The following PVT1 variants were observed in gnomAD, a reference collection of about 807,000 sequenced individuals.
PVT1 encodes CXCR4/PVT1 fusion.
At chr8:127,845,948 C>T (rs72718572) in intron 2 of PVT1, among the ~76,000 whole-genome samples, 7 of 152,334 alleles carry the variant, frequency 4.6e-5, no homozygotes, top group South Asian at 2.1e-4. Flanking sequence ...CACATCCCAC[C>T]CACACTTTGA....
At chr8:127,929,978 T>C (rs920038866) in intron 3 of PVT1, among the ~76,000 whole-genome samples, 6 of 152,220 alleles carry the variant, frequency 3.9e-5, no homozygotes, top group African/African-American at 1.4e-4. Flanking sequence ...TAAGGGAGAA[T>C]GTCTTTGCTT....
intron 2 of PVT1, among the ~76,000 whole-genome samples, chr8:127,811,801 T>A (rs1814598255): frequency 6.6e-6 from 1 of 152,160 alleles, no homozygotes; most frequent in Non-Finnish European, 1.5e-5. Flanking sequence ...TAACATGGGG[T>A]CGGCTGTTAT....
At chr8:127,937,888 A>G (rs6992539) in intron 3 of PVT1, among the ~76,000 whole-genome samples, 55,054 of 151,994 alleles carry the variant, frequency 0.36, 10,171 homozygotes, top group East Asian at 0.54. Context: ...CTGCGAAAGT[A>G]ACAGAGCTAG....
At chr8:127,817,732 A>T (rs1397729631) in intron 2 of PVT1, among the ~76,000 whole-genome samples, 3 of 142,676 alleles carry the variant, frequency 2.1e-5, no homozygotes, top group Non-Finnish European at 3.1e-5. Context: ...AATGAAAAAT[A>T]AAAAAAAAAA....
chr8:128,041,897 C>T (rs1293510995), intron 4 of PVT1, among the ~76,000 whole-genome samples: 1 of 152,186 alleles, frequency 6.6e-6, no homozygotes, highest in Non-Finnish European at 1.5e-5. Flanking sequence ...TTGACTGATG[C>T]TTTGCAGTTC....
At chr8:128,071,483 ACCACCCTAGGCAACTAAGGAGAC>A (rs1276076659) in intron 5 of PVT1, among the ~76,000 whole-genome samples, 3 of 151,610 alleles carry the variant, frequency 2.0e-5, no homozygotes, top group Admixed American at 6.6e-5. Flanking sequence ...GGAGATTAAT[ACCACCCTAGGCAACTAAGGAGAC>A]CCCCATCTCT....
chr8:127,965,554 A>AC (rs1418136334), intron 3 of PVT1, among the ~76,000 whole-genome samples: 7 of 151,654 alleles, frequency 4.6e-5, no homozygotes, highest in Admixed American at 2.6e-4. Context: ...AGCTCTGTTC[A>AC]CCCCCCATTT....
intron 4 of PVT1, among the ~76,000 whole-genome samples, chr8:128,017,735 C>T (rs1046914047): frequency 3.9e-5 from 6 of 152,104 alleles, no homozygotes; most frequent in Admixed American, 3.3e-4. Flanking sequence ...TCATGCCCAG[C>T]CCTCCTTAAT....
chr8:127,801,092 G>T (rs565608272), intron 2 of PVT1, among the ~76,000 whole-genome samples: 1 of 152,310 alleles, frequency 6.6e-6, no homozygotes, highest in Non-Finnish European at 1.5e-5. Context: ...GAGCAGCCAG[G>T]AGAAGCGTGA....
At chr8:128,020,119 C>T (rs1252820937) in intron 4 of PVT1, among the ~76,000 whole-genome samples, 1 of 152,152 alleles carries the variant, frequency 6.6e-6, no homozygotes, top group Non-Finnish European at 1.5e-5. Flanking sequence ...GGGCTCTCTA[C>T]CCCTTATGAT....
intron 5 of PVT1, among the ~76,000 whole-genome samples, chr8:128,091,324 C>T (rs911119361): frequency 1.3e-5 from 2 of 152,186 alleles, no homozygotes; most frequent in African/African-American, 4.8e-5. Context: ...GTACTCGTCC[C>T]AGCTGTCGGC....
intron 4 of PVT1, among the ~76,000 whole-genome samples, chr8:128,015,044 AAGAG>A (rs1267666184): frequency 3.4e-5 from 5 of 149,080 alleles, no homozygotes; most frequent in Admixed American, 6.7e-5. Context: ...AGAGAAAGAA[AAGAG>A]AAATAGATTT....
intron 2 of PVT1, among the ~76,000 whole-genome samples, chr8:127,875,025 G>T (rs1437919568): frequency 6.6e-6 from 1 of 152,118 alleles, no homozygotes; most frequent in African/African-American, 2.4e-5. Flanking sequence ...GACCCCTTGG[G>T]TGCCTGTGTA....
chr8:127,918,966 C>T (rs976524748), intron 3 of PVT1, among the ~76,000 whole-genome samples: 1 of 152,138 alleles, frequency 6.6e-6, no homozygotes, highest in Non-Finnish European at 1.5e-5. Flanking sequence ...CTCGCGGGGT[C>T]GTGGGGGCTT....
In PVT1 at chr8:127,898,921, A is replaced by G. The variant is rs1371994301; in HGVS notation, n.782+7923A>G. On this transcript the variant is annotated intron_variant and non_coding_transcript_variant, in intron 3 of 10. Transcript: ENST00000651587. This position sits in a 1 kb window ranked among gnomAD's most constrained non-coding sequence, Gnocchi z 4.4. ...AGTGTGTCCCACCTGATTACTGGGAAGTGCAATGGACACCCCCACCCCCCG... is the reference window on the plus strand; with the variant it reads ...AGTGTGTCCCACCTGATTACTGGGAGGTGCAATGGACACCCCCACCCCCCG... Among the ~76,000 whole-genome samples, 2 of 151,842 alleles carry G rather than the reference A, an allele frequency of 1.3e-5. No individual in the cohort carries two copies. The highest frequency in any genetic ancestry group is 2.9e-5 in the Non-Finnish European group (2 of 67,956).
chr8:127,930,309 A>G (rs978277745), intron 3 of PVT1, among the ~76,000 whole-genome samples: 3 of 152,116 alleles, frequency 2.0e-5, no homozygotes, highest in Admixed American at 1.3e-4. Context: ...GGCATGCGCC[A>G]CCAGGTCTGG....
rs1202000401 is a variant in PVT1 at position 127,898,983 on chromosome 8, G to A, written n.782+7985G>A. Among the ~76,000 whole-genome samples, 1 of 152,194 alleles carries A rather than the reference G, an allele frequency of 6.6e-6. No individual in the cohort carries two copies. Among genetic ancestry groups the A allele is most frequent in the African/African-American group, 2.4e-5 (1 of 41,434 alleles). ...GGCTCCAACCGAAGAACAGCTGTTG[G>A]TGGTCAGGTCTCTGAGTCACTCAGT... On this transcript the variant is annotated intron_variant and non_coding_transcript_variant, in intron 3 of 10. Transcript: ENST00000651587. This position sits in a 1 kb window ranked among gnomAD's most constrained non-coding sequence, Gnocchi z 4.4.
At chr8:127,868,489 G>A (rs2129764130) in intron 2 of PVT1, among the ~76,000 whole-genome samples, 1 of 152,086 alleles carries the variant, frequency 6.6e-6, no homozygotes, top group East Asian at 1.9e-4. Context: ...CTGGGTTCAA[G>A]CAATTTTCGT....
At chr8:127,946,366 G>A (rs986071238) in intron 3 of PVT1, among the ~76,000 whole-genome samples, 10 of 152,192 alleles carry the variant, frequency 6.6e-5, no homozygotes, top group Non-Finnish European at 1.3e-4. Flanking sequence ...AGTATTTGTA[G>A]GAAGGTGAAC....
Sources: gnomAD v4.1 joint callset for allele counts (sites outside exome capture counted in the v4.1 genomes callset) on GRCh38, gnomAD v4.1.1 for gene constraint, Gnocchi (gnomAD v3.1) non-coding constraint, MANE v1.5 for transcripts, NCBI Gene and HGNC (gene_info 2026-07-23, HGNC 2026-07-21) for gene names.